MPRIP: variants seen among roughly 807,000 people sequenced by gnomAD.
MPRIP encodes the protein myosin phosphatase Rho interacting protein, also known as myosin phosphatase Rho-interacting protein.
MPRIP carries 59 observed loss-of-function variants against 234.9 expected under a neutral mutation model. That is an observed-to-expected ratio of 0.25 (90% CI 0.20 to 0.31). The LOEUF is 0.31. Among genes scored for constraint, MPRIP ranks in the 10% least tolerant of loss-of-function variants. The probability of loss-of-function intolerance (pLI) is 1.00; values close to 1 mark genes in which losing one functional copy is unlikely to be tolerated. For synonymous variants in MPRIP, 1,144 were observed against 1,263.9 expected, an observed-to-expected ratio of 0.91 and a Z score of 2.01; for missense variants, 2,436 against 3,071.0, an observed-to-expected ratio of 0.79 and a Z score of 4.89.
chr17:17,088,033 G>C (rs917803801), intron 3 of MPRIP, among the ~76,000 whole-genome samples: 9 of 152,242 alleles, frequency 5.9e-5, no homozygotes, highest in Non-Finnish European at 1.0e-4. Context: ...CCTTCCCTGT[G>C]TTGCCTGAGT....
At chr17:17,137,243 G>A (rs1454564595) in intron 6 of MPRIP, among the ~76,000 whole-genome samples, 1 of 152,198 alleles carries the variant, frequency 6.6e-6, no homozygotes, top group Non-Finnish European at 1.5e-5. Context: ...GCCGGGCATG[G>A]TGGCTCACGC....
intron 3 of MPRIP, among the ~76,000 whole-genome samples, chr17:17,099,895 A>G (rs540739921): frequency 2.6e-5 from 4 of 152,324 alleles, no homozygotes; most frequent in African/African-American, 9.6e-5. Context: ...AATTTTGTAA[A>G]AATTATACAT....
intron 9 of MPRIP, among the ~76,000 whole-genome samples, chr17:17,145,094 G>A (rs1030465553): frequency 6.6e-6 from 1 of 152,172 alleles, no homozygotes; most frequent in Admixed American, 6.5e-5. Flanking sequence ...GTTGAAACAG[G>A]GCTCTGTAGA....
At chr17:17,095,754 TG>T (rs1357573577) in intron 3 of MPRIP, among the ~76,000 whole-genome samples, 7 of 152,124 alleles carry the variant, frequency 4.6e-5, no homozygotes, top group Admixed American at 1.3e-4. Context: ...GTACGGGTGC[TG>T]ATCAGTTCTC....
intron 7 of MPRIP, among the ~76,000 whole-genome samples, chr17:17,139,674 A>G (rs936538447): frequency 1.3e-4 from 20 of 152,228 alleles, no homozygotes; most frequent in Middle Eastern, 3.4e-3. Flanking sequence ...AGCACCCACC[A>G]TTGGCTGACA....
intron 12 of MPRIP, among the ~76,000 whole-genome samples, 198 bp downstream of exon 12, chr17:17,150,431 C>T (rs2045575487): frequency 2.0e-5 from 3 of 152,154 alleles, no homozygotes; most frequent in Non-Finnish European, 2.9e-5. Context: ...GTGAACAGTA[C>T]ATTAGACGTT....
In MPRIP at chr17:17,164,381, G is replaced by T; in HGVS notation, c.2790G>T (p.Glu930Asp). The change falls in exon 16 of 24, where the codon GAG becomes GAT. Residue 930 changes from glutamate to aspartate, a missense_variant. Transcript: ENST00000651222. ...AGCTCAAGGGCGACCTGAAGCGGGA[G>T]CAGGGCCGGGTCCGCGAGCAGCTGG... is the stretch of plus-strand genomic sequence containing the variant. ...LAKLKGDLKR[E>D]QGRVREQLEE... 1 of 1,293,768 alleles carries T rather than the reference G, an allele frequency of 7.7e-7. No homozygotes were observed. The allele number at this position is 1,293,768 out of a possible 1,614,324, so 80.1% of individuals were successfully genotyped here.
At position 17,131,614 on chromosome 17, in the gene MPRIP, C is replaced by T. The variant is rs1367922861; in HGVS notation, c.420-3C>T. 1 of 1,613,986 alleles carries T rather than the reference C, an allele frequency of 6.2e-7. No individual in the cohort carries two copies. Among genetic ancestry groups the T allele is most frequent in the Non-Finnish European group, 8.5e-7 (1 of 1,179,856 alleles). ...TGGTACTTGTCTCCTTTTCTCTTCC[C>T]AGGTGGCTGGAGATGCTCATGGTCT... On this transcript the variant is annotated splice_polypyrimidine_tract_variant and splice_region_variant and intron_variant, in intron 4 of 23. Coordinates refer to ENST00000651222, the MANE Select transcript of MPRIP (RefSeq NM_001364716.4).
chr17:17,088,357 G>C (rs2089639427), intron 3 of MPRIP, among the ~76,000 whole-genome samples: 1 of 152,202 alleles, frequency 6.6e-6, no homozygotes, highest in Non-Finnish European at 1.5e-5. Flanking sequence ...ATAACGTACT[G>C]GGCGTCTCCC....
At chr17:17,150,891 G>A (rs1425241451) in intron 12 of MPRIP, among the ~76,000 whole-genome samples, 1 of 151,786 alleles carries the variant, frequency 6.6e-6, no homozygotes, top group Non-Finnish European at 1.5e-5. Context: ...CTCTGTCCAG[G>A]CTTGAGTGTA....
intron 14 of MPRIP, 100 bp from the exon 15 acceptor site, chr17:17,161,140 T>C: frequency 2.6e-6 from 2 of 777,008 alleles, no homozygotes; most frequent in Non-Finnish European, 4.1e-6. Context: ...ACTCCAAAAC[T>C]CTTGGGCCAC....
chr17:17,107,503 GAC>G (rs2090085738), intron 3 of MPRIP, among the ~76,000 whole-genome samples: 1 of 152,254 alleles, frequency 6.6e-6, no homozygotes, highest in Non-Finnish European at 1.5e-5. Context: ...TTGTGAGCCT[GAC>G]ACTGTTGGTG....
At chr17:17,060,564 CA>C (rs944984419) in intron 1 of MPRIP, among the ~76,000 whole-genome samples, 31 of 152,176 alleles carry the variant, frequency 2.0e-4, no homozygotes, top group Admixed American at 8.5e-4. Context: ...AAATGGAGGT[CA>C]TGAGAGCTCA....
At chr17:17,141,053 T>C (rs116671788) in intron 7 of MPRIP, among the ~76,000 whole-genome samples, 3,451 of 152,080 alleles carry the variant, frequency 0.023, 103 homozygotes, top group Middle Eastern at 0.085. Flanking sequence ...CCATGCAGAG[T>C]GACTGTAGCA....
Position 17,166,671 on chromosome 17 carries a change from C to G in MPRIP, c.5080C>G (p.Leu1694Val), listed in dbSNP as rs2144640813. The G allele has an allele frequency of 4.6e-6, 6 of 1,304,122 alleles. No individual in the cohort carries two copies. Among genetic ancestry groups the G allele is most frequent in the Non-Finnish European group, 6.1e-6 (6 of 988,970 alleles). 80.8% of individuals were successfully genotyped at this position (1,304,122 alleles called of 1,614,324 possible). A position where few individuals can be genotyped will look rare whatever the true frequency, so the allele number is the denominator to read the frequency against. The change falls in exon 16 of 24, where the codon CTG (leucine) becomes GTG (valine). Residue 1694 changes from leucine to valine, a missense_variant. Leu to Val is a conservative substitution (Grantham distance 32, BLOSUM62 1). Transcript: ENST00000651222. This position sits in a 1 kb window ranked among gnomAD's most constrained non-coding sequence, Gnocchi z 4.4. ...HRRLQSIQET[L>V]RGTQTALRQH... Reference sequence around the variant, plus strand: ...CAGGCTACAGAGCATCCAGGAGACCCTGCGGGGCACCCAGACGGCCCTGCG... The same window carrying G: ...CAGGCTACAGAGCATCCAGGAGACCGTGCGGGGCACCCAGACGGCCCTGCG...
At position 17,167,118 on chromosome 17, in the gene MPRIP, A is replaced by G; in HGVS notation, c.5527A>G (p.Ile1843Val). 1 of 1,304,078 alleles carries G rather than the reference A, an allele frequency of 7.7e-7. No individual in the cohort carries two copies. 80.8% of individuals were successfully genotyped at this position (1,304,078 alleles called of 1,614,324 possible). A position where few individuals can be genotyped will look rare whatever the true frequency, so the allele number is the denominator to read the frequency against. The change falls in exon 16 of 24, where the codon ATT (isoleucine) becomes GTT (valine). Residue 1843 changes from isoleucine to valine, a missense_variant. Around this residue, in one of 4 missense-constraint regions of MPRIP, gnomAD observed 1,998 missense variants for 2,520.3 expected, o/e 0.79. Coordinates refer to ENST00000651222, the MANE Select transcript of MPRIP (RefSeq NM_001364716.4). The surrounding 1 kb of genome is among the most constrained non-coding windows in gnomAD (Gnocchi z 5.9). ...QYSSLLVQDA[I>V]IQAQVCYASC... ...TTCTTCATTGTTGGTTCAGGATGCC[A>G]TTATTCAGGCCCAGGTTTGCTATGC...
At chr17:17,072,267 T>G (rs2089213998) in intron 1 of MPRIP, among the ~76,000 whole-genome samples, 1 of 152,128 alleles carries the variant, frequency 6.6e-6, no homozygotes, top group Admixed American at 6.5e-5. Context: ...GAGGACAGGT[T>G]GTCTGAGTCA....
chr17:17,133,102 C>G (rs1381139754), intron 5 of MPRIP, among the ~76,000 whole-genome samples: 1 of 152,160 alleles, frequency 6.6e-6, no homozygotes, highest in African/African-American at 2.4e-5. Flanking sequence ...CTCCCCAAAA[C>G]AGCTACCCAT....
rs762795525 is a variant in MPRIP at position 17,126,687 on chromosome 17, G to C, written c.268-15G>C. 6.2e-7 allele frequency: 1 copy of C among 1,604,354 alleles called. No individual in the cohort carries two copies. Among genetic ancestry groups the C allele is most frequent in the Non-Finnish European group, 8.5e-7 (1 of 1,175,212 alleles). On this transcript the variant is annotated splice_polypyrimidine_tract_variant and intron_variant, in intron 3 of 23. Transcript: ENST00000651222. ...TTGGCTGGCCTCTGGGTGACTCTCT[G>C]CCGCCTTCTTCCAGCCCACGACCCT...
Sources: gnomAD v4.1 joint callset for allele counts (sites outside exome capture counted in the v4.1 genomes callset) on GRCh38, gnomAD v4.1.1 for gene constraint, gnomAD v4.1.1 regional missense constraint, Gnocchi (gnomAD v3.1) non-coding constraint, MANE v1.5 for transcripts, NCBI Gene and HGNC (gene_info 2026-07-23, HGNC 2026-07-21) for gene names.